ENTPD5: variants seen among roughly 807,000 people sequenced by gnomAD.
The protein encoded by ENTPD5 is nucleoside diphosphate phosphatase ENTPD5.
In ENTPD5, 49 loss-of-function variants were observed where a neutral mutation model predicts 60.2. The observed-to-expected ratio is 0.81, with a 90% CI of 0.65 to 1.03. The LOEUF is 1.03. Among genes scored for constraint, ENTPD5 ranks in the 50% least tolerant of loss-of-function variants. The probability of loss-of-function intolerance (pLI) is 0.00; values close to 1 mark genes in which losing one functional copy is unlikely to be tolerated. For missense variants in ENTPD5, 480 were observed against 507.6 expected (o/e 0.95, Z 0.52); for synonymous variants, 187 against 185.4 (o/e 1.01, Z -0.07).
intron 6 of ENTPD5, among the ~76,000 whole-genome samples, chr14:73,977,643 G>A (rs1056110414): frequency 6.6e-6 from 1 of 152,152 alleles, no homozygotes; most frequent in Non-Finnish European, 1.5e-5. Flanking sequence ...CTGGACCTAT[G>A]GAAAGGCATA....
At chr14:74,008,607 G>A (rs1165481091) in intron 3 of ENTPD5, among the ~76,000 whole-genome samples, 6 of 152,012 alleles carry the variant, frequency 3.9e-5, no homozygotes, top group Non-Finnish European at 7.4e-5. Context: ...GTGTTAGCCA[G>A]GAGGGTCTCG....
chr14:73,965,308 T>G lies in ENTPD5; in HGVS notation c.*1620A>C, dbSNP rs2056927926. The stretch of plus-strand genomic sequence containing the variant: ...AGTCTACTGTGAAAGCCACAAGTTT[T>G]GGGGAAATACACTCCTGCAAAGAAG... On this transcript the variant is annotated 3_prime_UTR_variant, in exon 16 of 16. Transcript: ENST00000334696. 6.6e-6 allele frequency: 1 copy of G among 152,158 alleles called. No homozygotes were observed. Among genetic ancestry groups the G allele is most frequent in the African/African-American group, 2.4e-5 (1 of 41,420 alleles). The allele number at this position is 152,158 out of a possible 1,614,324, so 9.4% of individuals were successfully genotyped here.
Position 73,987,876 on chromosome 14 carries a change from T to C in ENTPD5, c.217+10A>G. 6.2e-7 allele frequency: 1 copy of C among 1,613,898 alleles called. No individual in the cohort carries two copies. Among genetic ancestry groups the C allele is most frequent in the African/African-American group, 1.3e-5 (1 of 75,044 alleles). ...TTACAGACTCTACTAAGGGTCCCAG[T>C]TGCACTTACCTGGCATTTTCTGCAC... is the stretch of plus-strand genomic sequence containing the variant. On this transcript the variant is annotated intron_variant, in intron 4 of 15. Coordinates refer to ENST00000334696, the MANE Select transcript of ENTPD5 (RefSeq NM_001249.5).
chr14:73,968,612 G>C (rs945912526), intron 15 of ENTPD5, among the ~76,000 whole-genome samples: 7 of 152,020 alleles, frequency 4.6e-5, no homozygotes, highest in Middle Eastern at 3.4e-3. Flanking sequence ...TTTTAGTAGA[G>C]ACGGGGTTTC....
intron 3 of ENTPD5, among the ~76,000 whole-genome samples, chr14:73,999,396 G>A (rs1018768803): frequency 4.6e-5 from 7 of 152,074 alleles, no homozygotes; most frequent in African/African-American, 1.5e-4. Context: ...ACTGAGGAAC[G>A]AGAATTGCTT....
At chr14:73,981,858 C>CT (rs2057704560) in intron 6 of ENTPD5, among the ~76,000 whole-genome samples, 1 of 149,520 alleles carries the variant, frequency 6.7e-6, no homozygotes, top group Non-Finnish European at 1.5e-5. Context: ...TTCTCAAAAA[C>CT]TTTATGCTGA....
intron 3 of ENTPD5, among the ~76,000 whole-genome samples, chr14:74,001,699 A>AAAAAAG (rs2058516402): frequency 9.3e-5 from 11 of 118,200 alleles, no homozygotes; most frequent in African/African-American, 3.2e-4. Flanking sequence ...AAAAAAAAAA[A>AAAAAAG]AAGCCAGGCA....
At chr14:73,999,082 G>C (rs2058425083) in intron 3 of ENTPD5, among the ~76,000 whole-genome samples, 2 of 152,062 alleles carry the variant, frequency 1.3e-5, no homozygotes, top group Non-Finnish European at 2.9e-5. Flanking sequence ...CTAACTGCTA[G>C]GTGCCAGAAA....
At chr14:73,968,924 CAAAG>C (rs1168559818) in intron 15 of ENTPD5, among the ~76,000 whole-genome samples, 2 of 152,044 alleles carry the variant, frequency 1.3e-5, no homozygotes, top group South Asian at 4.2e-4. Flanking sequence ...GACAGGAGGA[CAAAG>C]AAAGACCTAA....
downstream of ENTPD5, chr14:73,961,225 A>G (rs1211662931): frequency 5.0e-6 from 8 of 1,613,980 alleles, no homozygotes; most frequent in Admixed American, 1.0e-4. Context: ...GCCATGCTGC[A>G]GTATGCTGTC....
At chr14:74,003,972 G>A (rs1175070834) in intron 3 of ENTPD5, among the ~76,000 whole-genome samples, 1 of 151,376 alleles carries the variant, frequency 6.6e-6, no homozygotes, top group Non-Finnish European at 1.5e-5. Flanking sequence ...AGGCATGGCA[G>A]TGCACACTTG....
In ENTPD5 at chr14:73,966,119, A is replaced by C. The variant is rs1453986508; in HGVS notation, c.*809T>G. On this transcript the variant is annotated 3_prime_UTR_variant, in exon 16 of 16. Transcript: ENST00000334696. ...ACAAAGAAAACAAGTTTAGAATCATAGAAAACACTGTTAACACATTAGCCT... is the reference window on the plus strand; with the variant it reads ...ACAAAGAAAACAAGTTTAGAATCATCGAAAACACTGTTAACACATTAGCCT... 2.6e-5 allele frequency: 4 copies of C among 152,260 alleles called. No homozygotes were observed. Among genetic ancestry groups the C allele is most frequent in the Admixed American group, 6.5e-5 (1 of 15,286 alleles). The allele number at this position is 152,260 out of a possible 1,614,324, so 9.4% of individuals were successfully genotyped here.
rs370622413 is a variant in ENTPD5, at chr14:74,007,238, AT to A, written c.-71+3852del. Among the ~76,000 whole-genome samples the A allele has an allele frequency of 5.5e-4, 84 of 152,086 alleles. 1 individual carries two copies. The East Asian group carries it at 0.015, about 27-fold the overall frequency. ...CCTGTCTCTTAGAAAAAAATTAGGT[AT>A]GGCCGGGCGCGGTGGCTCACGCCTG... On this transcript the variant is annotated intron_variant, in intron 3 of 15. Transcript: ENST00000334696.
rs774175912 is a variant in ENTPD5 at position 73,974,954 on chromosome 14, G to A, written c.754C>T (p.Leu252=). 5.0e-6 allele frequency: 8 copies of A among 1,613,620 alleles called. No homozygotes were observed. The South Asian group carries it at 5.5e-5, about 11-fold the overall frequency. The change falls in exon 11 of 16, where the codon CTA becomes TTA. Residue 252 remains leucine, a synonymous_variant. Coordinates refer to ENST00000334696, the MANE Select transcript of ENTPD5 (RefSeq NM_001249.5). ...YLGFGLKAAR[L]ATLGALETEG... Reference sequence around the variant, plus strand: ...GTCTCCAGGGCTCCCAGGGTTGCTAGTCTTGCAGCTTTCAATCCAAATCCC... The same window carrying A: ...GTCTCCAGGGCTCCCAGGGTTGCTAATCTTGCAGCTTTCAATCCAAATCCC...
chr14:73,977,020 T>C lies in ENTPD5; in HGVS notation c.553+4A>G. Reference sequence around the variant, plus strand: ...CTCTAAAGATAAACTTGAGGATGTATTACCTGTCAGAAAATTCACAGTAAC... The same window carrying C: ...CTCTAAAGATAAACTTGAGGATGTACTACCTGTCAGAAAATTCACAGTAAC... On this transcript the variant is annotated splice_donor_region_variant and intron_variant, in intron 8 of 15. Transcript: ENST00000334696. 1 of 1,611,706 alleles carries C rather than the reference T, an allele frequency of 6.2e-7. No homozygotes were observed. Among genetic ancestry groups the C allele is most frequent in the Non-Finnish European group, 8.5e-7 (1 of 1,177,910 alleles).
At position 73,966,988 on chromosome 14, in the gene ENTPD5, C is replaced by T; in HGVS notation, c.1227G>A (p.Glu409=). 1 of 1,614,172 alleles carries T rather than the reference C, an allele frequency of 6.2e-7. No homozygotes were observed. Among genetic ancestry groups the T allele is most frequent in the South Asian group, 1.1e-5 (1 of 91,082 alleles). ...AGGTGGCCCCCAAGGCCCAGCCCGTCTCTATGTTGTTCACTTTCTTTGTGA... is the reference window on the plus strand; with the variant it reads ...AGGTGGCCCCCAAGGCCCAGCCCGTTTCTATGTTGTTCACTTTCTTTGTGA... ...LQLTKKVNNI[E]TGWALGATFH... Residue 409 remains glutamate (E), a synonymous_variant, in exon 16 of 16, where the codon GAG becomes GAA. Coordinates refer to ENST00000334696, the MANE Select transcript of ENTPD5 (RefSeq NM_001249.5).
intron 6 of ENTPD5, among the ~76,000 whole-genome samples, chr14:73,980,319 C>T (rs2057629918): frequency 6.6e-6 from 1 of 151,118 alleles, no homozygotes; most frequent in Non-Finnish European, 1.5e-5. Context: ...GGCTGGAGTG[C>T]AGTGGCGTGA....
downstream of ENTPD5, chr14:73,960,936 T>G: frequency 1.6e-6 from 1 of 607,646 alleles, no homozygotes; most frequent in Non-Finnish European, 2.9e-6. Flanking sequence ...TAGTGAAAGG[T>G]GAAGCTCAGA....
At chr14:73,955,954 A>G (rs2056410796), downstream of ENTPD5, 1 of 1,613,668 alleles carries the variant, frequency 6.2e-7, no homozygotes, top group Non-Finnish European at 8.5e-7. Context: ...TCCACCTTGC[A>G]TTCATTGGGA....
Sources: gnomAD v4.1 joint callset for allele counts (sites outside exome capture counted in the v4.1 genomes callset) on GRCh38, gnomAD v4.1.1 for gene constraint, MANE v1.5 for transcripts, NCBI Gene and HGNC (gene_info 2026-07-23, HGNC 2026-07-21) for gene names.